CNTNAP5: variants seen among roughly 807,000 people sequenced by gnomAD.
The protein encoded by CNTNAP5 is contactin associated protein family member 5.
Under a neutral mutation model 150.2 loss-of-function variants are expected in CNTNAP5, and 72 were observed. The observed-to-expected ratio is 0.48, with a 90% CI of 0.40 to 0.58. CNTNAP5 has a LOEUF of 0.58. CNTNAP5 is among the 20% of genes least tolerant of loss of function. CNTNAP5 has a pLI of 0.00. For synonymous variants in CNTNAP5, 672 were observed against 619.8 expected (o/e 1.08, Z -1.25); for missense variants, 1,636 against 1,626.2 (o/e 1.01, Z -0.10).
At chr2:124,800,193 G>A (rs1361245495) in intron 19 of CNTNAP5, among the ~76,000 whole-genome samples, 1 of 152,154 alleles carries the variant, frequency 6.6e-6, no homozygotes, top group African/African-American at 2.4e-5. Context: ...ATCCTCTAAT[G>A]ATGTCATTGG....
At chr2:124,579,501 A>G (rs192338990) in intron 11 of CNTNAP5, among the ~76,000 whole-genome samples, 1 of 152,358 alleles carries the variant, frequency 6.6e-6, no homozygotes, top group Admixed American at 6.5e-5. Flanking sequence ...TAAAACAAGT[A>G]GACTCTTCAT....
intron 3 of CNTNAP5, among the ~76,000 whole-genome samples, chr2:124,388,127 T>C (rs1385688321): frequency 6.6e-6 from 1 of 152,216 alleles, no homozygotes; most frequent in Non-Finnish European, 1.5e-5. Flanking sequence ...CTGTCATTGA[T>C]ACGTTAACTC....
intron 10 of CNTNAP5, among the ~76,000 whole-genome samples, chr2:124,557,817 G>A (rs1379874597): frequency 6.6e-6 from 1 of 152,104 alleles, no homozygotes; most frequent in African/African-American, 2.4e-5. Flanking sequence ...TGAGACATGG[G>A]GCATGTGGAC....
chr2:124,848,505 G>T (rs988275618), intron 19 of CNTNAP5, among the ~76,000 whole-genome samples: 2 of 151,982 alleles, frequency 1.3e-5, no homozygotes, highest in Non-Finnish European at 2.9e-5. Flanking sequence ...CTGATTTCTG[G>T]ATATATATCC....
intron 2 of CNTNAP5, among the ~76,000 whole-genome samples, chr2:124,227,633 C>CGTGT (rs760848365): frequency 0.058 from 7,057 of 122,000 alleles, 230 homozygotes; most frequent in East Asian, 0.079. Flanking sequence ...CTCAGCACAT[C>CGTGT]GTGTGTATGT....
intron 11 of CNTNAP5, among the ~76,000 whole-genome samples, chr2:124,591,374 A>G (rs1308852174): frequency 6.6e-6 from 1 of 152,148 alleles, no homozygotes; most frequent in East Asian, 1.9e-4. Flanking sequence ...GAGCTTTACT[A>G]GGTATTGCAG....
At chr2:124,538,350 C>T (rs758610166) in intron 10 of CNTNAP5, among the ~76,000 whole-genome samples, 11 of 152,042 alleles carry the variant, frequency 7.2e-5, no homozygotes, top group South Asian at 2.1e-4. Context: ...TGGTGGCGCA[C>T]GCCTATAATC....
At chr2:124,264,898 CTG>C (rs2104605845) in intron 3 of CNTNAP5, among the ~76,000 whole-genome samples, 1 of 152,316 alleles carries the variant, frequency 6.6e-6, no homozygotes, top group African/African-American at 2.4e-5. Context: ...GAGTCTGTGT[CTG>C]TGTGACTGGG....
intron 13 of CNTNAP5, among the ~76,000 whole-genome samples, chr2:124,665,317 G>A (rs1678675749): frequency 6.6e-6 from 1 of 152,118 alleles, no homozygotes; most frequent in African/African-American, 2.4e-5. Flanking sequence ...AGATCCTCAT[G>A]TAATCATGAA....
rs1553480439 is a variant in CNTNAP5, at chr2:124,567,862, T to TAGATAGATAGATAGATAGATAGATAG, written c.1756+4560_1756+4561insGATAGAGATAGATAGATAGATAGATA. Among the ~76,000 whole-genome samples the TAGATAGATAGATAGATAGATAGATAG allele has an allele frequency of 1.9e-4, 24 of 128,158 alleles. No homozygotes were observed. In the South Asian group the frequency reaches 3.0e-3, roughly 16 times the overall value. The allele number at this position is 128,158 out of a possible 152,430, so 84.1% of individuals were successfully genotyped here. On this transcript the variant is annotated intron_variant, in intron 11 of 23. Coordinates refer to ENST00000682447, the MANE Select transcript of CNTNAP5 (RefSeq NM_001367498.1). ...ATAGATAGATAGATAGATAGATAGATAGATAGATAGATAGATAGATATAGA... is the reference window on the plus strand; with the variant it reads ...ATAGATAGATAGATAGATAGATAGATAGATAGATAGATAGATAGATAGATAGAGATAGATAGATAGATAGATATAGA...
chr2:124,372,707 T>C (rs575798572), intron 3 of CNTNAP5, among the ~76,000 whole-genome samples: 1 of 152,216 alleles, frequency 6.6e-6, no homozygotes, highest in Non-Finnish European at 1.5e-5. Flanking sequence ...CTTCTATGCT[T>C]ACGAATGTGT....
chr2:124,720,911 TCTTTAGTATA>T (rs1234399140), intron 13 of CNTNAP5, among the ~76,000 whole-genome samples: 2 of 152,218 alleles, frequency 1.3e-5, no homozygotes. Context: ...ATTTTTTTCT[TCTTTAGTATA>T]CTTTAAGATG....
intron 1 of CNTNAP5, among the ~76,000 whole-genome samples, chr2:124,028,746 G>A (rs996997455): frequency 6.6e-6 from 1 of 152,060 alleles, no homozygotes; most frequent in African/African-American, 2.4e-5. Context: ...AAGAGCTGAG[G>A]AGTTCTAGCC....
chr2:124,887,647 C>G (rs1037163430), intron 21 of CNTNAP5, among the ~76,000 whole-genome samples: 13 of 152,230 alleles, frequency 8.5e-5, no homozygotes, highest in South Asian at 4.2e-4. Flanking sequence ...GCTGGGGAAT[C>G]TGAAAATGAG....
chr2:124,042,714 A>G (rs1681407408), intron 1 of CNTNAP5, among the ~76,000 whole-genome samples: 1 of 152,220 alleles, frequency 6.6e-6, no homozygotes, highest in Non-Finnish European at 1.5e-5. Context: ...AAGTCTGTTT[A>G]TAGTAAAGCA....
intron 3 of CNTNAP5, among the ~76,000 whole-genome samples, chr2:124,279,628 C>T (rs1005647383): frequency 6.6e-6 from 1 of 152,038 alleles, no homozygotes; most frequent in African/African-American, 2.4e-5. Flanking sequence ...GGGGATCCAA[C>T]CATAACCTCT....
chr2:124,129,832 G>T (rs1393012846), intron 1 of CNTNAP5, among the ~76,000 whole-genome samples: 1 of 152,194 alleles, frequency 6.6e-6, no homozygotes, highest in African/African-American at 2.4e-5. Flanking sequence ...TTTCCTGACG[G>T]ATGTTGGAGG....
chr2:124,073,296 C>T (rs1682358508), intron 1 of CNTNAP5, among the ~76,000 whole-genome samples: 1 of 152,062 alleles, frequency 6.6e-6, no homozygotes, highest in Non-Finnish European at 1.5e-5. Context: ...GGATATTGGT[C>T]TGGGCAAAGA....
intron 1 of CNTNAP5, among the ~76,000 whole-genome samples, chr2:124,205,454 T>A (rs1045650591): frequency 6.6e-6 from 1 of 151,222 alleles, no homozygotes. Flanking sequence ...AGTCTCACCC[T>A]GTCTCCCAGG....
Sources: allele counts gnomAD v4.1 joint callset (sites outside exome capture counted in the v4.1 genomes callset), GRCh38; gene constraint gnomAD v4.1.1; transcripts MANE v1.5; gene names NCBI Gene and HGNC (gene_info 2026-07-23, HGNC 2026-07-21).